Variants in TTC21A observed in about 807,000 individuals in gnomAD.
TTC21A encodes tetratricopeptide repeat protein 21A.
TTC21A carries 128 observed loss-of-function variants against 156.4 expected under a neutral mutation model. That is an observed-to-expected ratio of 0.82 (90% CI 0.71 to 0.95). The LOEUF is 0.95. Among genes scored for constraint, TTC21A ranks in the 40% least tolerant of loss-of-function variants. TTC21A has a pLI of 0.00. For missense variants in TTC21A, 1,435 were observed against 1,602.3 expected, an observed-to-expected ratio of 0.90 and a Z score of 1.78; for synonymous variants, 587 against 617.1, an observed-to-expected ratio of 0.95 and a Z score of 0.72.
In TTC21A at chr3:39,121,023, G is replaced by A; in HGVS notation, c.927G>A (p.Gly309=). ...RLCGSHQVIL[G]LVCSFIERTF... Reference sequence around the variant, plus strand: ...GTGGGAGTCACCAGGTGATTCTAGGGCTAGTGTGTAGTTTCATCGAGCGCA... The same window carrying A: ...GTGGGAGTCACCAGGTGATTCTAGGACTAGTGTGTAGTTTCATCGAGCGCA... The change falls in exon 9 of 29, where the codon GGG becomes GGA. Residue 309 remains glycine (G), a synonymous_variant. Transcript: ENST00000683103. 18 of 1,611,782 alleles carry A rather than the reference G, an allele frequency of 1.1e-5. No individual in the cohort carries two copies. Among genetic ancestry groups the A allele is most frequent in the Non-Finnish European group, 1.4e-5 (16 of 1,178,616 alleles).
intron 9 of TTC21A, among the ~76,000 whole-genome samples, chr3:39,122,322 GAAA>G (rs33971042): frequency 0.55 from 81,885 of 148,554 alleles, 25,093 homozygotes; most frequent in East Asian, 0.72. Flanking sequence ...AAAAAAGAAA[GAAA>G]AAAAAAAAAA....
Position 39,130,051 on chromosome 3 carries a change from A to T in TTC21A, c.2136-28A>T. 6.2e-7 allele frequency: 1 copy of T among 1,612,938 alleles called. No individual in the cohort carries two copies. The highest frequency in any genetic ancestry group is 8.5e-7 in the Non-Finnish European group (1 of 1,179,370). On this transcript the variant is annotated intron_variant, in intron 15 of 28. Coordinates refer to ENST00000683103, the MANE Select transcript of TTC21A (RefSeq NM_001366900.1). The surrounding 1 kb of genome is among the most constrained non-coding windows in gnomAD (Gnocchi z 4.5). ...AACATGAGGTGTGTGCGAACCTGGG[A>T]TAAGCTTTTGGTTACTCTTGCTTGC...
Position 39,121,097 on chromosome 3 carries a change from A to G in TTC21A, c.1001A>G (p.Tyr334Cys). 5.0e-6 allele frequency: 8 copies of G among 1,614,160 alleles called. No individual in the cohort carries two copies. The highest frequency in any genetic ancestry group is 2.2e-5 in the East Asian group (1 of 44,878). ...GTCCATGTGGCCACAGAACTGGGCT[A>G]TCTCTTCATCCTGAAGAACCAAGTG... ...SYVHVATELG[Y>C]LFILKNQVKE... The change falls in exon 9 of 29, where the codon TAT becomes TGT. Residue 334 changes from tyrosine to cysteine, a missense_variant. Tyr to Cys is a radical substitution (Grantham distance 194, BLOSUM62 -2). Transcript: ENST00000683103.
rs146777933 is a variant in TTC21A at position 39,129,313 on chromosome 3, A to G, written c.2135+3A>G. The G allele has an allele frequency of 1.6e-4, 252 of 1,605,708 alleles. No individual in the cohort carries two copies. In the Middle Eastern group the frequency reaches 2.6e-3, roughly 17 times the overall value. ...CGCCTCTACATCAGATGCTACCGGT[A>G]AGCCCCACAGGCAGCACAATGACAG... On this transcript the variant is annotated splice_donor_region_variant and intron_variant, in intron 15 of 28. Transcript: ENST00000683103.
chr3:39,138,839 T>G lies in TTC21A; in HGVS notation c.*51T>G. On this transcript the variant is annotated 3_prime_UTR_variant, in exon 29 of 29. Transcript: ENST00000683103. ...AGAAGCCATCAACCTACTGAAGTTG[T>G]GTGGAGGGATGGAAAGTGGGTCAGT... 1 of 1,498,882 alleles carries G rather than the reference T, an allele frequency of 6.7e-7. No homozygotes were observed. Among genetic ancestry groups the G allele is most frequent in the Non-Finnish European group, 9.2e-7 (1 of 1,082,736 alleles). 92.8% of individuals were successfully genotyped at this position (1,498,882 alleles called of 1,614,324 possible).
chr3:39,107,942 C>G (rs1014520316), intron 1 of TTC21A, 78 bp downstream of exon 1: 2 of 1,545,544 alleles, frequency 1.3e-6, no homozygotes, highest in Admixed American at 1.7e-5. Context: ...CCCTGCTACT[C>G]TCCTGCCACC....
chr3:39,137,287 C>T lies in TTC21A; in HGVS notation c.3350C>T (p.Thr1117Ile). The T allele has an allele frequency of 6.2e-7, 1 of 1,614,188 alleles. No individual in the cohort carries two copies. Reference sequence around the variant, plus strand: ...TACCCACATTCAGACTCCAGCCAGACCCAGCTGCGGCTGCTGCAGGGCCTC... The same window carrying T: ...TACCCACATTCAGACTCCAGCCAGATCCAGCTGCGGCTGCTGCAGGGCCTC... ...EFYPHSDSSQTQLRLLQGLCR... is the reference protein window; with the variant it reads ...EFYPHSDSSQIQLRLLQGLCR... The change falls in exon 25 of 29, where the codon ACC (threonine) becomes ATC (isoleucine). Residue 1117 changes from threonine (T) to isoleucine (I), a missense_variant. By Grantham distance (89) the Thr-to-Ile change is moderately conservative. Coordinates refer to ENST00000683103, the MANE Select transcript of TTC21A (RefSeq NM_001366900.1).
chr3:39,120,581 T>C (rs566203189), intron 8 of TTC21A, among the ~76,000 whole-genome samples: 2 of 152,104 alleles, frequency 1.3e-5, no homozygotes, highest in African/African-American at 4.8e-5. Flanking sequence ...AACTGTGGAG[T>C]TGCATAGGCA....
chr3:39,111,611 C>T (rs775594111), intron 4 of TTC21A, among the ~76,000 whole-genome samples: 1 of 152,090 alleles, frequency 6.6e-6, no homozygotes, highest in Non-Finnish European at 1.5e-5. Context: ...GGGCTGATAC[C>T]AATTTTCAAG....
intron 12 of TTC21A, 58 bp from the exon 13 acceptor site, chr3:39,128,273 A>G (rs772649692): frequency 6.4e-7 from 1 of 1,563,406 alleles, no homozygotes; most frequent in Non-Finnish European, 8.7e-7. Flanking sequence ...GCCCTTGCAT[A>G]TCAGGTCTTA....
chr3:39,128,963 A>T lies in TTC21A; in HGVS notation c.1896+31A>T, dbSNP rs148819209. Reference sequence around the variant, plus strand: ...AAATGCCGTGCTCTCTTCCCTGGGGACTGGGGCACACTGGAGGCTCAGGGT... The same window carrying T: ...AAATGCCGTGCTCTCTTCCCTGGGGTCTGGGGCACACTGGAGGCTCAGGGT... On this transcript the variant is annotated intron_variant, in intron 14 of 28. Coordinates refer to ENST00000683103, the MANE Select transcript of TTC21A (RefSeq NM_001366900.1). 1.6e-3 allele frequency: 2,554 copies of T among 1,611,498 alleles called. 10 individuals carry two copies. Among genetic ancestry groups the T allele is most frequent in the African/African-American group, 0.015 (1,111 of 74,932 alleles).
chr3:39,118,346 G>T (rs1575512656), intron 7 of TTC21A, 193 bp downstream of exon 7: 2 of 614,020 alleles, frequency 3.3e-6, no homozygotes, highest in East Asian at 5.5e-5. Flanking sequence ...TAGCTTGGGA[G>T]TCAGGCAGCA....
Position 39,130,528 on chromosome 3 carries a change from C to A in TTC21A, c.2319+170C>A. The stretch of plus-strand genomic sequence containing the variant: ...GAACTCAGCAACTCTCTGCTGCTGA[C>A]CACACCTGCTTAAGCTGAGGGTTAC... On this transcript the variant is annotated intron_variant, in intron 17 of 28. Transcript: ENST00000683103. The surrounding 1 kb of genome is among the most constrained non-coding windows in gnomAD (Gnocchi z 4.5). The A allele has an allele frequency of 1.0e-6, 1 of 988,794 alleles. No individual in the cohort carries two copies. Among genetic ancestry groups the A allele is most frequent in the Non-Finnish European group, 1.5e-6 (1 of 662,184 alleles). 61.3% of individuals were successfully genotyped at this position (988,794 alleles called of 1,614,324 possible).
At chr3:39,135,778 G>A (rs924651885) in intron 22 of TTC21A, among the ~76,000 whole-genome samples, 9 of 152,136 alleles carry the variant, frequency 5.9e-5, no homozygotes, top group Non-Finnish European at 8.8e-5. Flanking sequence ...TACCTAGGCC[G>A]GGCATGGTGG....
intron 1 of TTC21A, among the ~76,000 whole-genome samples, chr3:39,108,772 T>C (rs2036509840): frequency 6.6e-6 from 1 of 152,236 alleles, no homozygotes; most frequent in African/African-American, 2.4e-5. Context: ...TTTCTTATTA[T>C]TTGTCCTCAT....
In TTC21A at chr3:39,135,151, A is replaced by C; in HGVS notation, c.2921A>C (p.His974Pro). 6.2e-7 allele frequency: 1 copy of C among 1,613,988 alleles called. No individual in the cohort carries two copies. The highest frequency in any genetic ancestry group is 8.5e-7 in the Non-Finnish European group (1 of 1,179,990). The change falls in exon 22 of 29, where the codon CAC (histidine) becomes CCC (proline). Residue 974 changes from histidine (H) to proline (P), a missense_variant. Transcript: ENST00000683103. ...CATGAAGCGGCCATCAATCTTTACCACCAAGTCTTGGAGAAAGCGCCAGGT... is the reference window on the plus strand; with the variant it reads ...CATGAAGCGGCCATCAATCTTTACCCCCAAGTCTTGGAGAAAGCGCCAGGT... ...QKHEAAINLY[H>P]QVLEKAPDNF...
At position 39,130,994 on chromosome 3, in the gene TTC21A, C is replaced by T; in HGVS notation, c.2461C>T (p.Gln821Ter). Reference sequence around the variant, plus strand: ...TAATTTGAGTTTCCATTTAACAGTCCAAGACATCCCATCCATGATGAATGA... The same window carrying T: ...TAATTTGAGTTTCCATTTAACAGTCTAAGACATCCCATCCATGATGAATGA... The part of the protein sequence containing the change: ...LKQALEHDIV[Q>*]DIPSMMNDVK... The change falls in exon 19 of 29, where the codon CAA (glutamine) becomes TAA (stop). Residue 821 changes from glutamine to a stop codon, truncating the protein, a stop_gained and splice_region_variant. Coordinates refer to ENST00000683103, the MANE Select transcript of TTC21A (RefSeq NM_001366900.1). LOFTEE classifies it high-confidence loss of function. This position sits in a 1 kb window ranked among gnomAD's most constrained non-coding sequence, Gnocchi z 4.5. 6.2e-7 allele frequency: 1 copy of T among 1,613,702 alleles called. No individual in the cohort carries two copies. Among genetic ancestry groups the T allele is most frequent in the Non-Finnish European group, 8.5e-7 (1 of 1,179,896 alleles).
At chr3:39,133,351 TCA>T (rs2038878839) in intron 20 of TTC21A, 111 bp downstream of exon 20, 1 of 1,137,696 alleles carries the variant, frequency 8.8e-7, no homozygotes, top group Non-Finnish European at 1.2e-6. Flanking sequence ...CCCTGAGGAG[TCA>T]CAGATATGAT....
In TTC21A at chr3:39,133,247, G is replaced by A; in HGVS notation, c.2751+7G>A. On this transcript the variant is annotated splice_region_variant and intron_variant, in intron 20 of 28. Coordinates refer to ENST00000683103, the MANE Select transcript of TTC21A (RefSeq NM_001366900.1). ...CTTGCCAACTGACAATAAGGTGAGT[G>A]GCCCTCAAAGCAAGAGGCTGCTTTC... The A allele has an allele frequency of 6.2e-7, 1 of 1,610,654 alleles. No homozygotes were observed. Among genetic ancestry groups the A allele is most frequent in the Non-Finnish European group, 8.5e-7 (1 of 1,177,570 alleles).
Sources: gnomAD v4.1 joint callset for allele counts (sites outside exome capture counted in the v4.1 genomes callset) on GRCh38, gnomAD v4.1.1 for gene constraint, Gnocchi (gnomAD v3.1) non-coding constraint, MANE v1.5 for transcripts, NCBI Gene and HGNC (gene_info 2026-07-23, HGNC 2026-07-21) for gene names.